Variants in PTPN2 observed in about 807,000 individuals in gnomAD.
PTPN2 encodes the protein protein tyrosine phosphatase non-receptor type 2, also known as tyrosine-protein phosphatase non-receptor type 2.
A neutral mutation model predicts 57.3 loss-of-function variants in PTPN2; 19 were observed. The ratio of observed to expected loss-of-function variants is 0.33; its 90% CI spans 0.23 to 0.49. The LOEUF (loss-of-function observed/expected upper bound fraction) is 0.49. Among genes scored for constraint, PTPN2 ranks in the 20% least tolerant of loss-of-function variants. The probability of loss-of-function intolerance (pLI) is 0.99; values close to 1 mark genes in which losing one functional copy is unlikely to be tolerated. For missense variants in PTPN2, 358 were observed against 501.1 expected, an observed-to-expected ratio of 0.71 and a Z score of 2.73; for synonymous variants, 153 against 164.9, an observed-to-expected ratio of 0.93 and a Z score of 0.55.
chr18:12,870,595 A>G lies in PTPN2; in HGVS notation c.70-11341T>C, dbSNP rs574606195. Among the ~76,000 whole-genome samples the G allele has an allele frequency of 8.3e-3, 1,063 of 127,792 alleles. 20 individuals carry two copies. Among genetic ancestry groups the G allele is most frequent in the African/African-American group, 0.032 (1,025 of 32,444 alleles). The allele number at this position is 127,792 out of a possible 152,430, so 83.8% of individuals were successfully genotyped here. A position where few individuals can be genotyped will look rare whatever the true frequency, so the allele number is the denominator to read the frequency against. On this transcript the variant is annotated intron_variant, in intron 1 of 8. Coordinates refer to ENST00000309660, the MANE Select transcript of PTPN2 (RefSeq NM_002828.4). ...GCGATCTTGGCTTACTGCAAGCTCC[A>G]CCTCCCAGGTTTACACCATTCTCCT...
At chr18:12,823,770 T>C (rs1265800542) in intron 5 of PTPN2, among the ~76,000 whole-genome samples, 1 of 152,212 alleles carries the variant, frequency 6.6e-6, no homozygotes, top group African/African-American at 2.4e-5. Flanking sequence ...GGATTTTAAC[T>C]ATTATTTTTT....
rs570986941 is a variant in PTPN2 at position 12,844,753 on chromosome 18, G to A, written c.161-7862C>T. Among the ~76,000 whole-genome samples the A allele has an allele frequency of 5.3e-5, 8 of 151,956 alleles. No individual in the cohort carries two copies. The South Asian group carries it at 6.2e-4, about 12-fold the overall frequency. On this transcript the variant is annotated intron_variant, in intron 2 of 8. Transcript: ENST00000309660. ...TTGAGGAGCAGAAGTTTTTTATTTCGATTTAGTATAAATTATTGATATTTT... is the reference window on the plus strand; with the variant it reads ...TTGAGGAGCAGAAGTTTTTTATTTCAATTTAGTATAAATTATTGATATTTT...
intron 7 of PTPN2, among the ~76,000 whole-genome samples, chr18:12,808,219 A>G (rs1180064448): frequency 2.6e-5 from 4 of 152,144 alleles, no homozygotes; most frequent in African/African-American, 4.8e-5. Flanking sequence ...CATTTTATAT[A>G]CACATAAAAT....
chr18:12,866,204 C>T (rs928920917), intron 1 of PTPN2, among the ~76,000 whole-genome samples: 43 of 152,040 alleles, frequency 2.8e-4, no homozygotes, highest in African/African-American at 9.4e-4. Flanking sequence ...TTTGGGAGGC[C>T]GAGGCAGGTG....
At chr18:12,825,466 G>A (rs1403162871) in intron 5 of PTPN2, among the ~76,000 whole-genome samples, 2 of 152,084 alleles carry the variant, frequency 1.3e-5, no homozygotes, top group African/African-American at 4.8e-5. Context: ...CAGTGAGGGT[G>A]GGGAACAAGT....
intron 7 of PTPN2, among the ~76,000 whole-genome samples, chr18:12,808,061 C>G (rs1330298926): frequency 6.6e-6 from 1 of 151,780 alleles, no homozygotes; most frequent in African/African-American, 2.4e-5. Context: ...CACGCGCCTG[C>G]AGTCCCAATT....
At chr18:12,829,504 CAAAA>C (rs541731696) in intron 4 of PTPN2, among the ~76,000 whole-genome samples, 3 of 89,098 alleles carry the variant, frequency 3.4e-5, no homozygotes, top group Admixed American at 1.1e-4. Context: ...ACTCTGTCTC[CAAAA>C]AAAAAAAAAA....
intron 1 of PTPN2, among the ~76,000 whole-genome samples, chr18:12,870,454 TATATATATAGAGAGAGAG>T (rs2044215889): frequency 2.3e-5 from 1 of 44,326 alleles, no homozygotes; most frequent in Non-Finnish European, 3.6e-5. Context: ...TATATATATA[TATATATATAGAGAGAGAG>T]AGAGAGAGAG....
intron 1 of PTPN2, among the ~76,000 whole-genome samples, chr18:12,874,601 C>A (rs372190906): frequency 7.8e-6 from 1 of 128,342 alleles, no homozygotes; most frequent in African/African-American, 3.0e-5. Flanking sequence ...TTCAGCCCCC[C>A]GCCCGGCCAG....
At chr18:12,874,713 C>A (rs1190499523) in intron 1 of PTPN2, among the ~76,000 whole-genome samples, 3 of 151,284 alleles carry the variant, frequency 2.0e-5, no homozygotes, top group Non-Finnish European at 4.4e-5. Flanking sequence ...CGGCCAGCCG[C>A]CCCACCCGGG....
intron 1 of PTPN2, among the ~76,000 whole-genome samples, chr18:12,881,126 C>T (rs899405576): frequency 6.6e-6 from 1 of 152,158 alleles, no homozygotes; most frequent in African/African-American, 2.4e-5. Flanking sequence ...GCAGTCAGAA[C>T]GATCTTGCTA....
At chr18:12,864,263 T>C (rs1415170797) in intron 1 of PTPN2, 1 of 152,148 alleles carries the variant, frequency 6.6e-6, no homozygotes, top group East Asian at 1.9e-4. Context: ...ACATGTGCAT[T>C]GCCTACATTA....
chr18:12,808,339 C>T (rs2041764885), intron 7 of PTPN2, among the ~76,000 whole-genome samples: 1 of 151,678 alleles, frequency 6.6e-6, no homozygotes, highest in Non-Finnish European at 1.5e-5. Flanking sequence ...TTCAAAATAG[C>T]TGGAAGAGAG....
At chr18:12,801,509 TAATTC>T (rs1333621464) in intron 8 of PTPN2, among the ~76,000 whole-genome samples, 5 of 152,076 alleles carry the variant, frequency 3.3e-5, no homozygotes, top group Admixed American at 2.6e-4. Flanking sequence ...AAGGTTATAT[TAATTC>T]AATAAAAAAA....
At chr18:12,868,507 T>C (rs9959425) in intron 1 of PTPN2, among the ~76,000 whole-genome samples, 40,036 of 151,818 alleles carry the variant, frequency 0.26, 7,282 homozygotes, top group African/African-American at 0.52. Context: ...CCGCCCGCCT[T>C]GGCCTCCCAA....
intron 4 of PTPN2, among the ~76,000 whole-genome samples, chr18:12,830,323 G>A (rs2042627714): frequency 6.6e-6 from 1 of 152,038 alleles, no homozygotes; most frequent in South Asian, 2.1e-4. Flanking sequence ...AGTAGAGACG[G>A]GGTTTCACCA....
At chr18:12,870,289 AC>A (rs2044152526) in intron 1 of PTPN2, among the ~76,000 whole-genome samples, 1 of 58,270 alleles carries the variant, frequency 1.7e-5, no homozygotes, top group Non-Finnish European at 3.0e-5. Flanking sequence ...ATATACATAT[AC>A]ATATATATGT....
At chr18:12,852,332 A>G (rs2043425607) in intron 2 of PTPN2, among the ~76,000 whole-genome samples, 1 of 152,180 alleles carries the variant, frequency 6.6e-6, no homozygotes, top group Non-Finnish European at 1.5e-5. Context: ...TACTGCAAAT[A>G]GGAAGATCTC....
intron 8 of PTPN2, among the ~76,000 whole-genome samples, chr18:12,797,795 T>C (rs1385778801): frequency 6.6e-6 from 1 of 152,186 alleles, no homozygotes; most frequent in Admixed American, 6.5e-5. Flanking sequence ...TCATGTGGCG[T>C]GATCATAGCT....
Sources: gnomAD v4.1 joint callset for allele counts (sites outside exome capture counted in the v4.1 genomes callset) on GRCh38, gnomAD v4.1.1 for gene constraint, MANE v1.5 for transcripts, NCBI Gene and HGNC (gene_info 2026-07-23, HGNC 2026-07-21) for gene names.